NCOA1: variants seen among roughly 807,000 people sequenced by gnomAD.
NCOA1 encodes the protein nuclear receptor coactivator 1.
Under a neutral mutation model 150.9 loss-of-function variants are expected in NCOA1, and 35 were observed. The observed-to-expected ratio is 0.23, with a 90% CI of 0.18 to 0.31. The LOEUF (loss-of-function observed/expected upper bound fraction) is 0.31. Among genes scored for constraint, NCOA1 ranks in the 10% least tolerant of loss-of-function variants. The pLI, the probability that NCOA1 is intolerant of heterozygous loss-of-function variation, is 1.00. For synonymous variants in NCOA1, 590 were observed against 630.0 expected (o/e 0.94, Z 0.95); for missense variants, 1,491 against 1,749.3 (o/e 0.85, Z 2.63).
intron 1 of NCOA1, among the ~76,000 whole-genome samples, chr2:24,501,916 T>G (rs1822300): frequency 0.46 from 70,404 of 152,020 alleles, 19,384 homozygotes; most frequent in East Asian, 0.74. Flanking sequence ...TCTTGCCAAG[T>G]TTGATGGATA....
chr2:24,679,661 T>C (rs1311996386), intron 7 of NCOA1, among the ~76,000 whole-genome samples: 2 of 152,226 alleles, frequency 1.3e-5, no homozygotes, highest in Non-Finnish European at 2.9e-5. Context: ...AAATGGACAT[T>C]GATCACCTAT....
chr2:24,646,852 A>G (rs1451601420), intron 4 of NCOA1, among the ~76,000 whole-genome samples: 2 of 150,988 alleles, frequency 1.3e-5, no homozygotes, highest in Non-Finnish European at 3.0e-5. Flanking sequence ...ATACACACAT[A>G]CACACACACA....
Position 24,632,284 on chromosome 2 carries a change from C to T in NCOA1, c.-174-11682C>T, listed in dbSNP as rs555336901. 6.6e-5 allele frequency among the ~76,000 whole-genome samples: 10 copies of T among 152,122 alleles called. No homozygotes were observed. The East Asian group carries it at 1.9e-3, about 29-fold the overall frequency. ...AAGCTGATGACCAGTTGGACTGATACTGGTGAATCTTCAAAAGGCTCGGAT... is the reference window on the plus strand; with the variant it reads ...AAGCTGATGACCAGTTGGACTGATATTGGTGAATCTTCAAAAGGCTCGGAT... On this transcript the variant is annotated intron_variant, in intron 3 of 22. Coordinates refer to ENST00000348332, the MANE Select transcript of NCOA1 (RefSeq NM_003743.5).
At chr2:24,678,576 C>T (rs928764202) in intron 7 of NCOA1, among the ~76,000 whole-genome samples, 4 of 152,186 alleles carry the variant, frequency 2.6e-5, no homozygotes, top group Non-Finnish European at 4.4e-5. Flanking sequence ...TTAATAATCA[C>T]CACTCTGACT....
intron 1 of NCOA1, among the ~76,000 whole-genome samples, chr2:24,555,784 A>G (rs186115761): frequency 3.9e-4 from 60 of 152,222 alleles, no homozygotes; most frequent in African/African-American, 1.4e-3. Context: ...TTTCCTTTCT[A>G]TTCTATCCTT....
At chr2:24,708,595 T>TA (rs968099045) in intron 13 of NCOA1, among the ~76,000 whole-genome samples, 19 of 151,390 alleles carry the variant, frequency 1.3e-4, no homozygotes, top group South Asian at 1.0e-3. Flanking sequence ...GAATATAGTT[T>TA]AAAAAAAAAT....
intron 1 of NCOA1, among the ~76,000 whole-genome samples, chr2:24,533,695 T>C (rs1664996651): frequency 6.6e-6 from 1 of 152,218 alleles, no homozygotes; most frequent in Admixed American, 6.5e-5. Context: ...TCTGCATCTA[T>C]TGAGATAATG....
chr2:24,648,124 A>G (rs904605334), intron 4 of NCOA1, among the ~76,000 whole-genome samples: 3 of 152,108 alleles, frequency 2.0e-5, no homozygotes, highest in Non-Finnish European at 1.5e-5. Context: ...TTTACATGAA[A>G]TGCTTGGGAT....
intron 8 of NCOA1, among the ~76,000 whole-genome samples, chr2:24,691,025 C>T (rs1672646040): frequency 6.6e-6 from 1 of 152,006 alleles, no homozygotes; most frequent in Non-Finnish European, 1.5e-5. Context: ...AATCTTCTTC[C>T]CCAGAAAGGT....
chr2:24,611,265 C>G (rs962055547), intron 3 of NCOA1, among the ~76,000 whole-genome samples: 2 of 152,142 alleles, frequency 1.3e-5, no homozygotes, highest in African/African-American at 4.8e-5. Context: ...CACGTTGTCG[C>G]AAGTGGCATG....
chr2:24,762,567 C>A, intron 21 of NCOA1, 120 bp from the exon 22 acceptor site: 1 of 836,140 alleles, frequency 1.2e-6, no homozygotes, highest in Non-Finnish European at 2.0e-6. Flanking sequence ...AATTGCTAAG[C>A]TTTTCATTTT....
At chr2:24,631,758 C>G (rs1669722094) in intron 3 of NCOA1, among the ~76,000 whole-genome samples, 1 of 152,154 alleles carries the variant, frequency 6.6e-6, no homozygotes. Context: ...GAGGGACGTT[C>G]TCTTGGTTGA....
intron 3 of NCOA1, among the ~76,000 whole-genome samples, chr2:24,614,199 CTTTTTTTTTTTTTTTTTTTT>C (rs869113477): frequency 6.5e-4 from 6 of 9,174 alleles, no homozygotes; most frequent in Admixed American, 1.8e-3. Flanking sequence ...CATTTCCATT[CTTTTTTTTTTTTTTTTTTTT>C]TTTTTTTTTT....
intron 3 of NCOA1, among the ~76,000 whole-genome samples, chr2:24,607,732 C>T (rs1402378908): frequency 6.6e-6 from 1 of 151,650 alleles, no homozygotes; most frequent in South Asian, 2.1e-4. Context: ...GTTTCTTACA[C>T]TATTTGGTTT....
At chr2:24,748,874 G>A (rs1458092070) in intron 19 of NCOA1, among the ~76,000 whole-genome samples, 1 of 152,082 alleles carries the variant, frequency 6.6e-6, no homozygotes, top group African/African-American at 2.4e-5. Flanking sequence ...TAATGTTGAG[G>A]GAAACAAGCA....
At chr2:24,729,862 G>A (rs753513914) in intron 17 of NCOA1, 47 bp downstream of exon 17, 19 of 1,420,694 alleles carry the variant, frequency 1.3e-5, no homozygotes, top group East Asian at 7.6e-5. Context: ...TTTTTGAGAC[G>A]AAGTCTCACC....
chr2:24,593,097 G>C (rs1667727057), intron 3 of NCOA1, among the ~76,000 whole-genome samples: 4 of 152,134 alleles, frequency 2.6e-5, no homozygotes. Flanking sequence ...GTGGTACCAG[G>C]AGTTTATTTG....
At chr2:24,598,900 T>TA (rs536187062) in intron 3 of NCOA1, among the ~76,000 whole-genome samples, 3 of 150,578 alleles carry the variant, frequency 2.0e-5, no homozygotes, top group Non-Finnish European at 3.0e-5. Context: ...AACTGGTAGT[T>TA]AAAAAAAAAA....
At chr2:24,512,790 C>G (rs1454038639) in intron 1 of NCOA1, among the ~76,000 whole-genome samples, 2 of 152,198 alleles carry the variant, frequency 1.3e-5, no homozygotes, top group African/African-American at 4.8e-5. Flanking sequence ...CTTTGAAACA[C>G]TACAGTTGTG....
Sources: allele counts gnomAD v4.1 joint callset (sites outside exome capture counted in the v4.1 genomes callset), GRCh38; gene constraint gnomAD v4.1.1; transcripts MANE v1.5; gene names NCBI Gene and HGNC (gene_info 2026-07-23, HGNC 2026-07-21).